The following WDR37 variants were observed in gnomAD, a reference collection of about 807,000 sequenced individuals.
WDR37 encodes WD repeat-containing protein 37.
A neutral mutation model predicts 62.9 loss-of-function variants in WDR37; 19 were observed. The ratio of observed to expected loss-of-function variants is 0.30; its 90% CI spans 0.21 to 0.44. WDR37 has a LOEUF of 0.44. WDR37 is among the 20% of genes least tolerant of loss of function. The pLI, the probability that WDR37 is intolerant of heterozygous loss-of-function variation, is 1.00. For missense variants in WDR37, 474 were observed against 657.6 expected (o/e 0.72, Z 3.05); for synonymous variants, 250 against 260.9 (o/e 0.96, Z 0.40).
chr10:1,080,262 T>C, intron 4 of WDR37, 150 bp from the exon 5 acceptor site: 2 of 1,251,332 alleles, frequency 1.6e-6, no homozygotes, highest in Non-Finnish European at 1.1e-6. Context: ...GCTCGGTTCT[T>C]GTTCCTGTTC....
intron 11 of WDR37, among the ~76,000 whole-genome samples, chr10:1,113,131 G>C (rs984877215): frequency 6.6e-6 from 1 of 152,180 alleles, no homozygotes; most frequent in African/African-American, 2.4e-5. Flanking sequence ...TACAGTTGAA[G>C]CCAGTGCTCA....
Position 1,129,680 on chromosome 10 carries a change from CTGTAT to C in WDR37, c.*338_*342del. 1 of 193,148 alleles carries C rather than the reference CTGTAT, an allele frequency of 5.2e-6. No individual in the cohort carries two copies. Among genetic ancestry groups the C allele is most frequent in the South Asian group, 1.0e-4 (1 of 9,644 alleles). 12.0% of individuals were successfully genotyped at this position (193,148 alleles called of 1,614,324 possible). A position where few individuals can be genotyped will look rare whatever the true frequency, so the allele number is the denominator to read the frequency against. On this transcript the variant is annotated 3_prime_UTR_variant, in exon 14 of 14. Transcript: ENST00000263150. Reference sequence around the variant, plus strand: ...ATTTGTGTGAATTAAATGTGAACTTCTGTATTACGTTGCGGCGTCGGCAGTCCTGC... The same window carrying C: ...ATTTGTGTGAATTAAATGTGAACTTCTACGTTGCGGCGTCGGCAGTCCTGC...
chr10:1,125,630 T>G (rs577274773), intron 13 of WDR37, among the ~76,000 whole-genome samples: 1 of 152,226 alleles, frequency 6.6e-6, no homozygotes, highest in African/African-American at 2.4e-5. Flanking sequence ...GGTGGCTCTG[T>G]GGGGAAGCCG....
At chr10:1,064,553 T>TA (rs1833477933) in intron 1 of WDR37, among the ~76,000 whole-genome samples, 1 of 147,994 alleles carries the variant, frequency 6.8e-6, no homozygotes, top group Non-Finnish European at 1.5e-5. Flanking sequence ...ACTTGACCTG[T>TA]AGTGGGAAAC....
chr10:1,107,321 C>T (rs1024568758), intron 11 of WDR37, among the ~76,000 whole-genome samples: 12 of 149,512 alleles, frequency 8.0e-5, no homozygotes, highest in South Asian at 2.1e-4. Context: ...CAGAGGGGCC[C>T]GCATGACTGC....
At chr10:1,106,100 A>G (rs1387199627) in intron 11 of WDR37, among the ~76,000 whole-genome samples, 1 of 152,142 alleles carries the variant, frequency 6.6e-6, no homozygotes, top group Non-Finnish European at 1.5e-5. Context: ...AGGTCTTAAC[A>G]GAACTCTTCA....
At chr10:1,086,423 G>GT (rs1453651920) in intron 7 of WDR37, 66 bp downstream of exon 7, 103 of 1,346,110 alleles carry the variant, frequency 7.7e-5, no homozygotes, top group Non-Finnish European at 1.5e-5. Context: ...TTTTAAAATC[G>GT]TGCATGATAA....
intron 11 of WDR37, among the ~76,000 whole-genome samples, chr10:1,112,965 A>G (rs562266630): frequency 6.6e-6 from 1 of 152,358 alleles, no homozygotes; most frequent in African/African-American, 2.4e-5. Flanking sequence ...ATCGATGAAG[A>G]TGACTATGTT....
rs1460574866 is a variant in WDR37 at position 1,056,868 on chromosome 10, G to A, written c.-141G>A. On this transcript the variant is annotated 5_prime_UTR_variant, in exon 1 of 14. Coordinates refer to ENST00000263150, the MANE Select transcript of WDR37 (RefSeq NM_014023.4). ...GTCAGTGCGGAGACAGCGGTGTCCT[G>A]CGCGTCTTCGGGTCAGTACGGGGGG... The A allele has an allele frequency of 6.6e-6, 1 of 152,332 alleles. No individual in the cohort carries two copies. Among genetic ancestry groups the A allele is most frequent in the African/African-American group, 2.4e-5 (1 of 41,454 alleles). The allele number at this position is 152,332 out of a possible 1,614,324, so 9.4% of individuals were successfully genotyped here. A position where few individuals can be genotyped will look rare whatever the true frequency, so the allele number is the denominator to read the frequency against.
intron 3 of WDR37, among the ~76,000 whole-genome samples, chr10:1,079,563 G>C (rs1432544568): frequency 6.7e-6 from 1 of 149,174 alleles, no homozygotes; most frequent in Non-Finnish European, 1.5e-5. Context: ...GAGATGGAGT[G>C]TCACTCTGTT....
At chr10:1,108,741 C>CG (rs1835106182) in intron 11 of WDR37, among the ~76,000 whole-genome samples, 1 of 20,122 alleles carries the variant, frequency 5.0e-5, no homozygotes, top group African/African-American at 1.0e-4. Context: ...TCTGTGATGC[C>CG]CCCCCCCCCC....
At chr10:1,080,357 G>C in intron 4 of WDR37, 55 bp from the exon 5 acceptor site, 1 of 1,605,640 alleles carries the variant, frequency 6.2e-7, no homozygotes, top group Admixed American at 1.7e-5. Flanking sequence ...CATTTGTGAG[G>C]CTATAGGTCT....
At position 1,121,838 on chromosome 10, in the gene WDR37, C is replaced by T. The variant is rs1010290576; in HGVS notation, c.1104-2380C>T. On this transcript the variant is annotated intron_variant, in intron 11 of 13. Transcript: ENST00000263150. The surrounding 1 kb of genome is among the most constrained non-coding windows in gnomAD (Gnocchi z 4.5). ...ACGACCAGGCCTTTGAGAATGCAGA[C>T]GTGAAAACGGTCGCCGCCGCATCAT... 1.5e-4 allele frequency among the ~76,000 whole-genome samples: 22 copies of T among 151,632 alleles called. No homozygotes were observed. The highest frequency in any genetic ancestry group is 2.1e-4 in the Non-Finnish European group (14 of 67,958).
At chr10:1,074,270 C>G in intron 2 of WDR37, 1 of 1,154,372 alleles carries the variant, frequency 8.7e-7, no homozygotes, top group Non-Finnish European at 1.1e-6. Flanking sequence ...CTAGAGTTGT[C>G]TCCTGCCTGG....
At chr10:1,102,253 C>T (rs536831419) in intron 9 of WDR37, among the ~76,000 whole-genome samples, 8 of 146,082 alleles carry the variant, frequency 5.5e-5, no homozygotes, top group Admixed American at 5.5e-4. Context: ...TGCCGCTGTG[C>T]GTCCCTGTGA....
At chr10:1,084,183 G>A (rs544462554) in intron 5 of WDR37, among the ~76,000 whole-genome samples, 3 of 152,254 alleles carry the variant, frequency 2.0e-5, no homozygotes, top group South Asian at 2.1e-4. Context: ...TGCACAGGTC[G>A]CCGCGAGAGC....
intron 1 of WDR37, among the ~76,000 whole-genome samples, chr10:1,068,193 TA>T (rs1316402225): frequency 1.3e-5 from 2 of 151,898 alleles, no homozygotes; most frequent in Non-Finnish European, 2.9e-5. Flanking sequence ...AAGAAAGCAG[TA>T]TCTTAGGCCG....
chr10:1,096,598 A>C, intron 9 of WDR37: 1 of 276,942 alleles, frequency 3.6e-6, no homozygotes, highest in East Asian at 7.6e-5. Context: ...AGCCTCCAGC[A>C]CTGTGAGAAA....
intron 9 of WDR37, among the ~76,000 whole-genome samples, chr10:1,100,182 C>G (rs1392313327): frequency 6.6e-6 from 1 of 152,138 alleles, no homozygotes; most frequent in African/African-American, 2.4e-5. Flanking sequence ...GGTGAGTGCA[C>G]TTCTCATATT....
Sources: gnomAD v4.1 joint callset for allele counts (sites outside exome capture counted in the v4.1 genomes callset) on GRCh38, gnomAD v4.1.1 for gene constraint, Gnocchi (gnomAD v3.1) non-coding constraint, MANE v1.5 for transcripts, NCBI Gene and HGNC (gene_info 2026-07-23, HGNC 2026-07-21) for gene names.